TTLL12: variants seen among roughly 807,000 people sequenced by gnomAD.
TTLL12 encodes tubulin--tyrosine ligase-like protein 12.
TTLL12 carries 77 observed loss-of-function variants against 79.6 expected under a neutral mutation model. That is an observed-to-expected ratio of 0.97 (90% confidence interval 0.81 to 1.17). The LOEUF is 1.17. Among genes scored for constraint, TTLL12 ranks in the 50% most tolerant of loss-of-function variants. The probability of loss-of-function intolerance (pLI) is 0.00; values close to 1 mark genes in which losing one functional copy is unlikely to be tolerated. For synonymous variants in TTLL12, 437 were observed against 376.1 expected (o/e 1.16, Z -1.87); for missense variants, 969 against 895.9 (o/e 1.08, Z -1.04).
At position 43,180,916 on chromosome 22, in the gene TTLL12, C is replaced by T; in HGVS notation, c.372G>A (p.Trp124Ter). 1 of 1,612,120 alleles carries T rather than the reference C, an allele frequency of 6.2e-7. No individual in the cohort carries two copies. Among genetic ancestry groups the T allele is most frequent in the Non-Finnish European group, 8.5e-7 (1 of 1,179,636 alleles). Reference protein sequence around the residue: ...PNSIFLIDHAWTCRVEHARQQ... With the variant: ...PNSIFLIDHA ...GGCGCGCGTGCTCCACACGGCACGTCCAGGCGTGGTCGATGAGGAAGATGC... is the reference window on the plus strand; with the variant it reads ...GGCGCGCGTGCTCCACACGGCACGTTCAGGCGTGGTCGATGAGGAAGATGC... Residue 124 changes from tryptophan to a stop codon, truncating the protein, a stop_gained, in exon 3 of 14, where the codon TGG becomes TGA. Coordinates refer to ENST00000216129, the MANE Select transcript of TTLL12 (RefSeq NM_015140.4). LOFTEE classifies it high-confidence loss of function.
intron 2 of TTLL12, among the ~76,000 whole-genome samples, chr22:43,181,677 G>T (rs1417308331): frequency 6.6e-6 from 1 of 152,208 alleles, no homozygotes; most frequent in Non-Finnish European, 1.5e-5. Context: ...GTGCCTAATA[G>T]ACAAAGCCGC....
In TTLL12 at chr22:43,167,242, CG is replaced by C. The variant is rs368738519; in HGVS notation, c.*765del. The C allele has an allele frequency of 1.9e-6, 1 of 526,734 alleles. No homozygotes were observed. Among genetic ancestry groups the C allele is most frequent in the African/African-American group, 1.9e-5 (1 of 52,038 alleles). The allele number at this position is 526,734 out of a possible 1,614,324, so 32.6% of individuals were successfully genotyped here. On this transcript the variant is annotated 3_prime_UTR_variant, in exon 14 of 14. Coordinates refer to ENST00000216129, the MANE Select transcript of TTLL12 (RefSeq NM_015140.4). The stretch of plus-strand genomic sequence containing the variant: ...GATCCTGGCCCATCTCACACAAGGG[CG>C]GGACCCCGTGGAGTGCCCGGCGAGC...
Position 43,176,358 on chromosome 22 carries a change from G to A in TTLL12, c.879C>T (p.Asp293=). The change falls in exon 6 of 14, where the codon GAC becomes GAT. Residue 293 remains aspartate (D), a synonymous_variant. Transcript: ENST00000216129. ...LEENKEKLPL[D]INPVVHPHGH... is the part of the protein sequence containing the mutation. ...CGTGGGGGTGCACCACGGGGTTGAT[G>A]TCAAGTGGCAGCTTCTCCTTGTTTT... is the stretch of plus-strand genomic sequence containing the variant. 3.7e-6 allele frequency: 6 copies of A among 1,605,554 alleles called. No individual in the cohort carries two copies. The highest frequency in any genetic ancestry group is 5.1e-6 in the Non-Finnish European group (6 of 1,177,096).
chr22:43,168,205 A>G, intron 13 of TTLL12, 46 bp from the exon 14 acceptor site: 1 of 1,599,584 alleles, frequency 6.3e-7, no homozygotes, highest in South Asian at 1.1e-5. Context: ...GTTGGCCTCC[A>G]CTCTGCAGGG....
rs981923134 is a variant in TTLL12, at chr22:43,168,979, C to T, written c.1645-67G>A. ...AGCCTCTCAAGAGGGGGTCTGCTGC[C>T]CCTGCCCAAGTCCCGGGCCCCACGT... On this transcript the variant is annotated intron_variant, in intron 12 of 13. Coordinates refer to ENST00000216129, the MANE Select transcript of TTLL12 (RefSeq NM_015140.4). 9 of 1,519,232 alleles carry T rather than the reference C, an allele frequency of 5.9e-6. No homozygotes were observed. The African/African-American group carries it at 6.9e-5, about 12-fold the overall frequency. The allele number at this position is 1,519,232 out of a possible 1,614,324, so 94.1% of individuals were successfully genotyped here. A position where few individuals can be genotyped will look rare whatever the true frequency, so the allele number is the denominator to read the frequency against.
Position 43,167,674 on chromosome 22 carries a change from C to T in TTLL12, c.*334G>A. On this transcript the variant is annotated 3_prime_UTR_variant, in exon 14 of 14. Coordinates refer to ENST00000216129, the MANE Select transcript of TTLL12 (RefSeq NM_015140.4). ...CCCCCAGCACCCCCTGGAAACACAG[C>T]AGCCAGGAACAAATTCTCCATGCCA... is the stretch of plus-strand genomic sequence containing the variant. The T allele has an allele frequency of 4.4e-6, 1 of 225,070 alleles. No individual in the cohort carries two copies. Among genetic ancestry groups the T allele is most frequent in the Non-Finnish European group, 8.8e-6 (1 of 113,662 alleles). The allele number at this position is 225,070 out of a possible 1,614,324, so 13.9% of individuals were successfully genotyped here.
intron 1 of TTLL12, among the ~76,000 whole-genome samples, chr22:43,183,709 A>C (rs1218176121): frequency 6.6e-6 from 1 of 152,220 alleles, no homozygotes; most frequent in Non-Finnish European, 1.5e-5. Context: ...GGATGGGGAG[A>C]TAAGGGCCTT....
At chr22:43,183,333 T>C (rs753040357) in intron 1 of TTLL12, among the ~76,000 whole-genome samples, 184 bp from the exon 2 acceptor site, 3 of 152,150 alleles carry the variant, frequency 2.0e-5, no homozygotes, top group African/African-American at 4.8e-5. Flanking sequence ...CTGAAGCTCC[T>C]GGAGATTTCA....
intron 1 of TTLL12, among the ~76,000 whole-genome samples, chr22:43,186,189 A>G (rs200970946): frequency 1.2e-5 from 1 of 82,140 alleles, no homozygotes; most frequent in Non-Finnish European, 2.8e-5. Flanking sequence ...TAAAGAAAAC[A>G]CCCCCCCCCC....
At chr22:43,180,510 G>C (rs1358276700) in intron 3 of TTLL12, among the ~76,000 whole-genome samples, 1 of 152,186 alleles carries the variant, frequency 6.6e-6, no homozygotes, top group Non-Finnish European at 1.5e-5. Context: ...CCAGGAAAGA[G>C]GCGGCTGAGT....
intron 5 of TTLL12, 136 bp from the exon 6 acceptor site, chr22:43,176,532 C>A (rs758349793): frequency 4.1e-5 from 29 of 707,464 alleles, no homozygotes; most frequent in Non-Finnish European, 7.3e-5. Flanking sequence ...GAGCTCGAGA[C>A]CAGCCTGGCC....
chr22:43,172,008 G>T, intron 10 of TTLL12, 108 bp from the exon 11 acceptor site: 1 of 905,940 alleles, frequency 1.1e-6, no homozygotes, highest in Non-Finnish European at 1.8e-6. Context: ...GCTCAGGGCA[G>T]GACCACCTGC....
At chr22:43,174,733 G>C (rs941929043) in intron 6 of TTLL12, 118 bp from the exon 7 acceptor site, 2 of 750,516 alleles carry the variant, frequency 2.7e-6, no homozygotes, top group African/African-American at 3.5e-5. Flanking sequence ...GCAGAGGCAA[G>C]TCCTGGGTTC....
Position 43,172,544 on chromosome 22 carries a change from T to C in TTLL12, c.1352A>G (p.Lys451Arg), listed in dbSNP as rs35154580. Residue 451 changes from lysine to arginine, a missense_variant, in exon 10 of 14, where the codon AAG becomes AGG. Coordinates refer to ENST00000216129, the MANE Select transcript of TTLL12 (RefSeq NM_015140.4). ...GAACAACACGGGACTTTCGATGTAC[T>C]TGGACACAACCTGGAGGACACAGGT... The part of the protein sequence containing the change: ...HRESTPKVVS[K>R]YIESPVLFLR... 21 of 1,613,954 alleles carry C rather than the reference T, an allele frequency of 1.3e-5. No individual in the cohort carries two copies. Among genetic ancestry groups the C allele is most frequent in the African/African-American group, 2.7e-5 (2 of 74,888 alleles).
At position 43,174,194 on chromosome 22, in the gene TTLL12, G is replaced by C; in HGVS notation, c.1229+15C>G. ...AAGGGCCATGGAGCACACCGATGCC[G>C]TGTCTGGGACTTACCACCTTTCCCG... On this transcript the variant is annotated intron_variant, in intron 8 of 13. Coordinates refer to ENST00000216129, the MANE Select transcript of TTLL12 (RefSeq NM_015140.4). 1 of 1,598,382 alleles carries C rather than the reference G, an allele frequency of 6.3e-7. No individual in the cohort carries two copies. Among genetic ancestry groups the C allele is most frequent in the Non-Finnish European group, 8.5e-7 (1 of 1,179,024 alleles).
intron 7 of TTLL12, 44 bp downstream of exon 7, chr22:43,174,455 G>C: frequency 6.3e-7 from 1 of 1,576,412 alleles, no homozygotes; most frequent in East Asian, 2.3e-5. Context: ...GCAGTGCCTA[G>C]AAGCCCTGAC....
chr22:43,179,634 G>T lies in TTLL12; in HGVS notation c.825C>A (p.Pro275=). ...LDLSSCTPEP[P]AEHYQAILEE... ...AGGGCTGCACCTGGTAGTGCTCGGCGGGCGGCTCGGGTGTGCAAGAGCTGA... is the reference window on the plus strand; with the variant it reads ...AGGGCTGCACCTGGTAGTGCTCGGCTGGCGGCTCGGGTGTGCAAGAGCTGA... Residue 275 remains proline (P), a synonymous_variant, in exon 5 of 14, where the codon CCC becomes CCA. Transcript: ENST00000216129. 1 of 1,583,568 alleles carries T rather than the reference G, an allele frequency of 6.3e-7. No individual in the cohort carries two copies. Among genetic ancestry groups the T allele is most frequent in the Admixed American group, 1.8e-5 (1 of 54,898 alleles).
At position 43,170,790 on chromosome 22, in the gene TTLL12, G is replaced by A. The variant is rs147661841; in HGVS notation, c.1575+1029C>T. Among the ~76,000 whole-genome samples, 14 of 152,252 alleles carry A rather than the reference G, an allele frequency of 9.2e-5. No individual in the cohort carries two copies. In the East Asian group the frequency reaches 1.4e-3, roughly 15 times the overall value. On this transcript the variant is annotated intron_variant, in intron 11 of 13. Transcript: ENST00000216129. The stretch of plus-strand genomic sequence containing the variant: ...TAGCCGGGCGTGGAGGCACGTGCCC[G>A]TAGTCCCAGCTACTTTAGGGGGCTG...
rs1361396856 is a variant in TTLL12 at position 43,167,323 on chromosome 22, C to G, written c.*685G>C. 2 of 383,170 alleles carry G rather than the reference C, an allele frequency of 5.2e-6. No homozygotes were observed. Among genetic ancestry groups the G allele is most frequent in the African/African-American group, 4.2e-5 (2 of 47,080 alleles). 23.7% of individuals were successfully genotyped at this position (383,170 alleles called of 1,614,324 possible). A position where few individuals can be genotyped will look rare whatever the true frequency, so the allele number is the denominator to read the frequency against. ...TTTCCCTGTTGGGGTCTGTGACCCT[C>G]AGCAAACGAAAAGGAAACGGTAACA... On this transcript the variant is annotated 3_prime_UTR_variant, in exon 14 of 14. Coordinates refer to ENST00000216129, the MANE Select transcript of TTLL12 (RefSeq NM_015140.4).
Sources: allele counts gnomAD v4.1 joint callset (sites outside exome capture counted in the v4.1 genomes callset), GRCh38; gene constraint gnomAD v4.1.1; transcripts MANE v1.5; gene names NCBI Gene and HGNC (gene_info 2026-07-23, HGNC 2026-07-21).